The following FRYL variants were observed in gnomAD, a reference collection of about 807,000 sequenced individuals.
The protein encoded by FRYL is FRY like transcription coactivator.
FRYL carries 150 observed loss-of-function variants against 351.2 expected under a neutral mutation model. The observed-to-expected ratio is 0.43, with a 90% CI of 0.37 to 0.49. The LOEUF is 0.49. Among genes scored for constraint, FRYL ranks in the 20% least tolerant of loss-of-function variants. FRYL has a pLI of 0.00. For synonymous variants in FRYL, 1,153 were observed against 1,257.1 expected (o/e 0.92, Z 1.75); for missense variants, 3,036 against 3,619.3 (o/e 0.84, Z 4.13).
chr4:48,540,541 T>C lies in FRYL; in HGVS notation c.6107A>G (p.Asp2036Gly), dbSNP rs1323250936. 3 of 1,614,054 alleles carry C rather than the reference T, an allele frequency of 1.9e-6. No homozygotes were observed. Among genetic ancestry groups the C allele is most frequent in the South Asian group, 2.2e-5 (2 of 91,084 alleles). Residue 2036 changes from aspartate to glycine, a missense_variant, in exon 46 of 64, where the codon GAT (aspartate) becomes GGT (glycine). Asp to Gly is a moderately conservative substitution (Grantham distance 94, BLOSUM62 -1). Around this residue, in one of 7 missense-constraint regions of FRYL, gnomAD observed 1,987 missense variants for 2,311.7 expected, o/e 0.86. Transcript: ENST00000358350. ...LNKLLIHLPL[D>G]KSESREKIEN... ...AATCTTCTCTCGACTCTCTGATTTA[T>C]CCAAAGGCAAATGGATAAGCAGTTT...
intron 1 of FRYL, among the ~76,000 whole-genome samples, chr4:48,740,277 GA>G (rs1771898064): frequency 7.4e-6 from 1 of 135,974 alleles, no homozygotes; most frequent in African/African-American, 2.7e-5. Context: ...TCAACAATAA[GA>G]AAACAATCTG....
At chr4:48,762,037 C>T (rs1774471237) in intron 1 of FRYL, among the ~76,000 whole-genome samples, 1 of 152,122 alleles carries the variant, frequency 6.6e-6, no homozygotes, top group Non-Finnish European at 1.5e-5. Context: ...AGAGAGCTAA[C>T]TAGCTCTCTT....
intron 35 of FRYL, among the ~76,000 whole-genome samples, chr4:48,555,397 G>A (rs1733850813): frequency 1.3e-5 from 2 of 152,206 alleles, no homozygotes; most frequent in Admixed American, 1.3e-4. Context: ...AATATATCAT[G>A]TGTTTGGTGA....
At chr4:48,708,206 G>T (rs923695332) in intron 2 of FRYL, among the ~76,000 whole-genome samples, 2 of 151,834 alleles carry the variant, frequency 1.3e-5, no homozygotes, top group African/African-American at 4.8e-5. Flanking sequence ...TTGAACCCAG[G>T]AGGCGGAGGT....
chr4:48,693,315 CG>C (rs966514659), intron 2 of FRYL, among the ~76,000 whole-genome samples: 23 of 152,050 alleles, frequency 1.5e-4, no homozygotes, highest in Admixed American at 9.2e-4. Flanking sequence ...TATCTAAAAA[CG>C]GAAGTCCTTG....
intron 1 of FRYL, among the ~76,000 whole-genome samples, chr4:48,774,900 CAT>C (rs1775857130): frequency 6.6e-6 from 1 of 152,120 alleles, no homozygotes; most frequent in Admixed American, 6.6e-5. Flanking sequence ...CTGGTAAAGA[CAT>C]GTATTTATTA....
chr4:48,552,581 C>T (rs1472738776), intron 36 of FRYL, among the ~76,000 whole-genome samples: 4 of 151,606 alleles, frequency 2.6e-5, no homozygotes, highest in Non-Finnish European at 5.9e-5. Flanking sequence ...GTATTGGATA[C>T]GAAACAACAG....
At chr4:48,693,523 T>G (rs1398420818) in intron 2 of FRYL, among the ~76,000 whole-genome samples, 2 of 152,096 alleles carry the variant, frequency 1.3e-5, no homozygotes, top group Non-Finnish European at 2.9e-5. Flanking sequence ...GGGAGAAAAT[T>G]GTTTTTAAAT....
intron 13 of FRYL, among the ~76,000 whole-genome samples, chr4:48,600,328 A>C (rs2149245961): frequency 6.6e-6 from 1 of 152,324 alleles, no homozygotes; most frequent in Middle Eastern, 3.4e-3. Context: ...TCTAAGACTT[A>C]ATAAATAGGA....
intron 4 of FRYL, among the ~76,000 whole-genome samples, chr4:48,631,832 C>G (rs1753025830): frequency 6.6e-6 from 1 of 151,004 alleles, no homozygotes; most frequent in Non-Finnish European, 1.5e-5. Flanking sequence ...GAGACCAAGG[C>G]AGGTGAATCA....
At chr4:48,578,861 A>C in intron 23 of FRYL, 112 bp downstream of exon 23, 1 of 848,302 alleles carries the variant, frequency 1.2e-6, no homozygotes, top group East Asian at 2.6e-5. Context: ...ATGCAGTATC[A>C]CATATTATTT....
intron 7 of FRYL, chr4:48,618,983 G>GC: frequency 3.8e-6 from 1 of 262,734 alleles, no homozygotes; most frequent in Non-Finnish European, 7.1e-6. Context: ...TGAATGGCAG[G>GC]CAAACTACAT....
intron 1 of FRYL, among the ~76,000 whole-genome samples, chr4:48,736,910 T>G (rs960632733): frequency 3.4e-5 from 5 of 145,482 alleles, no homozygotes; most frequent in African/African-American, 1.3e-4. Flanking sequence ...ATGAACAATG[T>G]GATCAATAAA....
chr4:48,588,489 G>C (rs1037377895), intron 18 of FRYL, among the ~76,000 whole-genome samples: 1 of 152,090 alleles, frequency 6.6e-6, no homozygotes, highest in African/African-American at 2.4e-5. Flanking sequence ...CTAGATGCAG[G>C]CTACTTGACT....
intron 38 of FRYL, among the ~76,000 whole-genome samples, chr4:48,550,291 G>A (rs1190200087): frequency 3.4e-5 from 5 of 146,002 alleles, no homozygotes; most frequent in Non-Finnish European, 7.7e-5. Flanking sequence ...CCATGCAGAA[G>A]GAGCAATCCT....
At chr4:48,753,220 A>G (rs1773425109) in intron 1 of FRYL, among the ~76,000 whole-genome samples, 2 of 152,208 alleles carry the variant, frequency 1.3e-5, no homozygotes, top group South Asian at 4.1e-4. Flanking sequence ...CAGCTCTACA[A>G]TGAGTATTTA....
chr4:48,560,428 C>A (rs754696150), intron 33 of FRYL, among the ~76,000 whole-genome samples: 167 of 152,218 alleles, frequency 1.1e-3, no homozygotes, highest in Non-Finnish European at 2.1e-3. Flanking sequence ...GAAGAGAGAA[C>A]TGAAGGAAGA....
chr4:48,589,696 G>A, intron 18 of FRYL, 49 bp downstream of exon 18: 1 of 1,587,892 alleles, frequency 6.3e-7, no homozygotes, highest in South Asian at 1.1e-5. Flanking sequence ...CATCCACACT[G>A]TCTTAGGAAA....
At chr4:48,655,198 T>C (rs551113474) in intron 3 of FRYL, among the ~76,000 whole-genome samples, 4 of 152,150 alleles carry the variant, frequency 2.6e-5, no homozygotes, top group Non-Finnish European at 4.4e-5. Flanking sequence ...TTTGAAGGTA[T>C]ATTTTTTCTC....
Sources: gnomAD v4.1 joint callset for allele counts (sites outside exome capture counted in the v4.1 genomes callset) on GRCh38, gnomAD v4.1.1 for gene constraint, gnomAD v4.1.1 regional missense constraint, MANE v1.5 for transcripts, NCBI Gene and HGNC (gene_info 2026-07-23, HGNC 2026-07-21) for gene names.